Variants in FMN1 observed in about 807,000 individuals in gnomAD.
The protein encoded by FMN1 is formin 1.
FMN1 carries 110 observed loss-of-function variants against 132.4 expected under a neutral mutation model. The observed-to-expected ratio is 0.83, with a 90% CI of 0.71 to 0.97. The LOEUF (loss-of-function observed/expected upper bound fraction) is 0.97. FMN1 is among the 50% of genes least tolerant of loss of function. The pLI is 0.00. For missense variants in FMN1, 1,792 were observed against 1,705.3 expected (o/e 1.05, Z -0.90); for synonymous variants, 722 against 651.7 (o/e 1.11, Z -1.64).
chr15:33,185,455 A>G (rs562608944), intron 2 of FMN1, among the ~76,000 whole-genome samples: 1 of 151,990 alleles, frequency 6.6e-6, no homozygotes, highest in South Asian at 2.1e-4. Context: ...GAAAATTTTA[A>G]TTACCGTTAA....
At chr15:33,119,960 G>C (rs1455577664) in intron 4 of FMN1, among the ~76,000 whole-genome samples, 2 of 152,144 alleles carry the variant, frequency 1.3e-5, no homozygotes, top group Admixed American at 1.3e-4. Flanking sequence ...TTGCAAACAT[G>C]ATCTTATTAA....
intron 15 of FMN1, among the ~76,000 whole-genome samples, chr15:32,894,897 T>C (rs1389744669): frequency 8.5e-5 from 13 of 152,082 alleles, no homozygotes; most frequent in Non-Finnish European, 1.9e-4. Flanking sequence ...TACTATATGT[T>C]ATTTTGAAAC....
chr15:32,875,288 C>A (rs187155644), intron 16 of FMN1, among the ~76,000 whole-genome samples: 5 of 152,016 alleles, frequency 3.3e-5, no homozygotes, highest in East Asian at 3.9e-4. Context: ...GGGTAACAGA[C>A]CCCCTGCCCT....
In FMN1 at chr15:32,765,725, G is replaced by A. The variant is rs1009014902; in HGVS notation, c.*8585C>T. 15 of 151,944 alleles carry A rather than the reference G, an allele frequency of 9.9e-5. No homozygotes were observed. The highest frequency in any genetic ancestry group is 1.3e-4 in the Non-Finnish European group (9 of 67,996). The allele number at this position is 151,944 out of a possible 1,614,324, so 9.4% of individuals were successfully genotyped here. Reference sequence around the variant, plus strand: ...AGAATTTTTTGAATAGACAATTGACGTTTTTCTAATCAATATATATTATGT... The same window carrying A: ...AGAATTTTTTGAATAGACAATTGACATTTTTCTAATCAATATATATTATGT... On this transcript the variant is annotated 3_prime_UTR_variant, in exon 21 of 21. Transcript: ENST00000616417.
chr15:33,159,498 T>G (rs745923524), intron 3 of FMN1, among the ~76,000 whole-genome samples: 1 of 152,218 alleles, frequency 6.6e-6, no homozygotes, highest in Non-Finnish European at 1.5e-5. Flanking sequence ...TCATACAGTA[T>G]ATAAGGTGTT....
intron 4 of FMN1, among the ~76,000 whole-genome samples, chr15:33,136,957 G>A (rs1209052580): frequency 1.3e-5 from 2 of 151,744 alleles, no homozygotes; most frequent in African/African-American, 2.4e-5. Context: ...GCGTGGTGGC[G>A]GGAGCCTGTA....
intron 9 of FMN1, among the ~76,000 whole-genome samples, chr15:32,937,387 T>C (rs2061300488): frequency 6.6e-6 from 1 of 152,198 alleles, no homozygotes; most frequent in Non-Finnish European, 1.5e-5. Flanking sequence ...GCCATGAATT[T>C]TCCTATTAGC....
chr15:32,887,590 C>G (rs773096809), intron 16 of FMN1, among the ~76,000 whole-genome samples: 5 of 152,068 alleles, frequency 3.3e-5, no homozygotes, highest in Non-Finnish European at 7.4e-5. Context: ...ATATATAAAC[C>G]AAACATACAG....
intron 5 of FMN1, among the ~76,000 whole-genome samples, chr15:33,077,397 G>C (rs1339497938): frequency 6.8e-6 from 1 of 147,962 alleles, no homozygotes; most frequent in South Asian, 2.1e-4. Flanking sequence ...TAAGTTCTAG[G>C]GAACATGTGC....
intron 3 of FMN1, among the ~76,000 whole-genome samples, chr15:33,161,220 C>G (rs1280647784): frequency 6.6e-6 from 1 of 152,232 alleles, no homozygotes; most frequent in Non-Finnish European, 1.5e-5. Context: ...AATTCACACT[C>G]TACCTTTCAC....
At chr15:32,907,194 CATT>C (rs1478653054) in intron 12 of FMN1, among the ~76,000 whole-genome samples, 1 of 151,992 alleles carries the variant, frequency 6.6e-6, no homozygotes, top group African/African-American at 2.4e-5. Context: ...ACTTTATTTC[CATT>C]ATTATTACAT....
chr15:32,936,589 T>C (rs1338275225), intron 9 of FMN1, among the ~76,000 whole-genome samples: 3 of 150,964 alleles, frequency 2.0e-5, no homozygotes, highest in Non-Finnish European at 2.9e-5. Flanking sequence ...CTAGAGTATG[T>C]CAAGTCCCAT....
chr15:32,976,057 T>C (rs1334977400), intron 7 of FMN1, among the ~76,000 whole-genome samples: 2 of 152,126 alleles, frequency 1.3e-5, no homozygotes, highest in Non-Finnish European at 2.9e-5. Context: ...CCAAGCACTG[T>C]GGAAAAATCA....
chr15:32,849,565 A>G (rs559478300), intron 17 of FMN1, among the ~76,000 whole-genome samples: 1 of 145,602 alleles, frequency 6.9e-6, no homozygotes, highest in Non-Finnish European at 1.5e-5. Context: ...TCGGGGGAAA[A>G]CATACGCTCT....
At chr15:32,958,464 G>C (rs1039696586) in intron 9 of FMN1, among the ~76,000 whole-genome samples, 2 of 152,064 alleles carry the variant, frequency 1.3e-5, no homozygotes, top group Non-Finnish European at 2.9e-5. Flanking sequence ...TGCCATATGA[G>C]AGAAATAAGA....
intron 17 of FMN1, among the ~76,000 whole-genome samples, chr15:32,846,993 C>T (rs902158843): frequency 6.6e-6 from 1 of 152,194 alleles, no homozygotes; most frequent in African/African-American, 2.4e-5. Flanking sequence ...ACTGACTTGG[C>T]TCCATCCTCT....
At chr15:33,021,830 G>C (rs1386286596) in intron 6 of FMN1, among the ~76,000 whole-genome samples, 3 of 152,088 alleles carry the variant, frequency 2.0e-5, no homozygotes, top group Non-Finnish European at 4.4e-5. Flanking sequence ...TGAATATATG[G>C]TCCCTAAAAC....
chr15:33,087,681 A>G (rs1157071332), intron 5 of FMN1, among the ~76,000 whole-genome samples: 5 of 152,262 alleles, frequency 3.3e-5, no homozygotes, highest in Non-Finnish European at 7.3e-5. Flanking sequence ...TCATTATACG[A>G]AAAAGATACT....
chr15:33,085,589 A>G (rs1049339816), intron 5 of FMN1, among the ~76,000 whole-genome samples: 3 of 149,578 alleles, frequency 2.0e-5, no homozygotes, highest in African/African-American at 7.3e-5. Context: ...TATATCATAT[A>G]TGTAATATAT....
Sources: allele counts gnomAD v4.1 joint callset (sites outside exome capture counted in the v4.1 genomes callset), GRCh38; gene constraint gnomAD v4.1.1; transcripts MANE v1.5; gene names NCBI Gene and HGNC (gene_info 2026-07-23, HGNC 2026-07-21).